Variants in PPP3CA observed in about 807,000 individuals in gnomAD.
The protein encoded by PPP3CA is CAM-PRP catalytic subunit.
PPP3CA carries 14 observed loss-of-function variants against 66.5 expected under a neutral mutation model. The ratio of observed to expected loss-of-function variants is 0.21; its 90% confidence interval spans 0.14 to 0.33. PPP3CA has a LOEUF of 0.33. Among genes scored for constraint, PPP3CA ranks in the 10% least tolerant of loss-of-function variants. PPP3CA has a pLI of 1.00. For synonymous variants in PPP3CA, 232 were observed against 226.2 expected, an observed-to-expected ratio of 1.03 and a Z score of -0.23; for missense variants, 317 against 639.5, an observed-to-expected ratio of 0.50 and a Z score of 5.44.
chr4:101,262,342 G>A (rs10004830), intron 1 of PPP3CA, among the ~76,000 whole-genome samples: 5,757 of 151,938 alleles, frequency 0.038, 345 homozygotes, highest in African/African-American at 0.13. Context: ...AATTCATATC[G>A]TTAAGGCACA....
intron 2 of PPP3CA, among the ~76,000 whole-genome samples, chr4:101,135,158 T>A (rs1367835296): frequency 1.3e-5 from 2 of 151,798 alleles, no homozygotes; most frequent in Non-Finnish European, 2.9e-5. Context: ...CGATGGCACA[T>A]GTATACCTAT....
intron 2 of PPP3CA, among the ~76,000 whole-genome samples, chr4:101,194,498 C>A (rs1724721605): frequency 6.6e-6 from 1 of 152,026 alleles, no homozygotes; most frequent in Non-Finnish European, 1.5e-5. Context: ...AAATGAAAAC[C>A]TGTAAATTAA....
intron 2 of PPP3CA, among the ~76,000 whole-genome samples, chr4:101,123,461 G>C (rs1006514983): frequency 2.0e-5 from 3 of 152,166 alleles, no homozygotes; most frequent in African/African-American, 7.2e-5. Context: ...AACAACATAT[G>C]TCATATTACA....
At chr4:101,073,928 A>G (rs530857286) in intron 8 of PPP3CA, among the ~76,000 whole-genome samples, 1 of 152,352 alleles carries the variant, frequency 6.6e-6, no homozygotes, top group South Asian at 2.1e-4. Context: ...ATCTGGGGCA[A>G]ACAAGTGCTC....
chr4:101,188,959 A>G (rs1321087394), intron 2 of PPP3CA, among the ~76,000 whole-genome samples: 1 of 152,188 alleles, frequency 6.6e-6, no homozygotes, highest in Non-Finnish European at 1.5e-5. Flanking sequence ...ACAAAATAGT[A>G]AACTAGCTGC....
At chr4:101,155,991 C>T (rs968533119) in intron 2 of PPP3CA, among the ~76,000 whole-genome samples, 2 of 152,146 alleles carry the variant, frequency 1.3e-5, no homozygotes, top group Admixed American at 6.5e-5. Context: ...GACAGGGACC[C>T]TTACATGCAT....
At chr4:101,213,414 T>C (rs994998343) in intron 1 of PPP3CA, among the ~76,000 whole-genome samples, 1 of 152,164 alleles carries the variant, frequency 6.6e-6, no homozygotes, top group Non-Finnish European at 1.5e-5. Context: ...CTAAATGGTA[T>C]TAGGTATCTT....
At position 101,080,622 on chromosome 4, in the gene PPP3CA, G is replaced by A. The variant is rs2110239163; in HGVS notation, c.865C>T (p.Arg289Cys). 2.0e-6 allele frequency: 3 copies of A among 1,505,358 alleles called. No homozygotes were observed. The highest frequency in any genetic ancestry group is 2.7e-6 in the Non-Finnish European group (3 of 1,113,738). 93.3% of individuals were successfully genotyped at this position (1,505,358 alleles called of 1,614,324 possible). The change falls in exon 8 of 14, where the codon CGC (arginine) becomes TGC (cysteine). Residue 289 changes from arginine (R) to cysteine (C), a missense_variant. Transcript: ENST00000394854. ...GTTGTTTGGCTTTTCCTGTACATGCGGTACCTAAAAAGAACAAATACAGTC... is the reference window on the plus strand; with the variant it reads ...GTTGTTTGGCTTTTCCTGTACATGCAGTACCTAAAAAGAACAAATACAGTC... ...RAHEAQDAGY[R>C]MYRKSQTTGF... is the part of the protein sequence containing the mutation.
intron 2 of PPP3CA, among the ~76,000 whole-genome samples, chr4:101,193,153 T>C (rs1183050529): frequency 6.6e-6 from 1 of 152,206 alleles, no homozygotes; most frequent in Non-Finnish European, 1.5e-5. Flanking sequence ...TTTTTTCCTG[T>C]TATATTCTGA....
chr4:101,346,381 G>A (rs1729994890), intron 1 of PPP3CA, among the ~76,000 whole-genome samples: 1 of 152,156 alleles, frequency 6.6e-6, no homozygotes, highest in South Asian at 2.1e-4. Flanking sequence ...TGTGAGCAGA[G>A]CCACCCACTT....
chr4:101,275,455 C>T (rs1011388053), intron 1 of PPP3CA, among the ~76,000 whole-genome samples: 1 of 152,118 alleles, frequency 6.6e-6, no homozygotes, highest in Non-Finnish European at 1.5e-5. Context: ...AACCTTGTAC[C>T]ACCCATATTC....
At chr4:101,087,567 C>T (rs1200881421) in intron 6 of PPP3CA, among the ~76,000 whole-genome samples, 1 of 152,098 alleles carries the variant, frequency 6.6e-6, no homozygotes, top group Non-Finnish European at 1.5e-5. Flanking sequence ...TGGAATCATA[C>T]AGTATCTACT....
At chr4:101,189,067 T>C (rs1248753148) in intron 2 of PPP3CA, among the ~76,000 whole-genome samples, 1 of 152,044 alleles carries the variant, frequency 6.6e-6, no homozygotes, top group Non-Finnish European at 1.5e-5. Flanking sequence ...TCGTCAACTA[T>C]CTCATGTGTC....
chr4:101,198,342 C>T (rs1399973924), intron 1 of PPP3CA, among the ~76,000 whole-genome samples: 2 of 152,158 alleles, frequency 1.3e-5, no homozygotes, highest in African/African-American at 4.8e-5. Context: ...TCTTACCTGG[C>T]AACTCCCCCA....
chr4:101,095,321 C>T (rs1730147615), intron 5 of PPP3CA, among the ~76,000 whole-genome samples: 2 of 152,028 alleles, frequency 1.3e-5, no homozygotes, highest in Non-Finnish European at 2.9e-5. Context: ...GAATCCCCAA[C>T]TAAAGGTCTG....
chr4:101,178,113 C>T (rs1724120727), intron 2 of PPP3CA, among the ~76,000 whole-genome samples: 1 of 152,016 alleles, frequency 6.6e-6, no homozygotes, highest in Non-Finnish European at 1.5e-5. Flanking sequence ...CAATCACTTG[C>T]ACAGAAGTTT....
Position 101,025,652 on chromosome 4 carries a change from G to A in PPP3CA, c.*213C>T. ...TTTTTAAAAGGCATACCCAAAAGAG[G>A]TGTTTAATCACCATCCCCACCAAAA... On this transcript the variant is annotated 3_prime_UTR_variant, in exon 14 of 14. Transcript: ENST00000394854. 2.2e-6 allele frequency: 1 copy of A among 447,020 alleles called. No homozygotes were observed. The highest frequency in any genetic ancestry group is 3.9e-6 in the Non-Finnish European group (1 of 256,070). The allele number at this position is 447,020 out of a possible 1,614,324, so 27.7% of individuals were successfully genotyped here.
At chr4:101,295,378 T>C (rs761934603) in intron 1 of PPP3CA, among the ~76,000 whole-genome samples, 1 of 148,986 alleles carries the variant, frequency 6.7e-6, no homozygotes, top group African/African-American at 2.5e-5. Context: ...CCTTTATGAA[T>C]AGTCAGGCAA....
intron 3 of PPP3CA, among the ~76,000 whole-genome samples, chr4:101,106,463 A>AGAAAGAAAG (rs1560605247): frequency 3.0e-5 from 1 of 33,758 alleles, no homozygotes; most frequent in African/African-American, 1.7e-4. Context: ...GAGAAAAGAA[A>AGAAAGAAAG]AGAAAAGAAA....
Sources: allele counts gnomAD v4.1 joint callset (sites outside exome capture counted in the v4.1 genomes callset), GRCh38; gene constraint gnomAD v4.1.1; transcripts MANE v1.5; gene names NCBI Gene and HGNC (gene_info 2026-07-23, HGNC 2026-07-21).